NWD2: variants seen among roughly 807,000 people sequenced by gnomAD.
NWD2 encodes NACHT and WD repeat domain-containing protein 2.
Under a neutral mutation model 132.7 loss-of-function variants are expected in NWD2, and 37 were observed. The observed-to-expected ratio is 0.28, with a 90% confidence interval of 0.21 to 0.37. The LOEUF (loss-of-function observed/expected upper bound fraction) is 0.37. Ranked by LOEUF, NWD2 falls within the 10% of genes least tolerant of loss-of-function variation. NWD2 has a pLI of 1.00. For synonymous variants in NWD2, 705 were observed against 803.0 expected (o/e 0.88, Z 2.06); for missense variants, 1,592 against 2,122.4 (o/e 0.75, Z 4.91).
chr4:37,268,794 C>CT (rs150544448), intron 1 of NWD2, among the ~76,000 whole-genome samples: 3,503 of 151,684 alleles, frequency 0.023, 65 homozygotes, highest in Middle Eastern at 0.054. Context: ...TAGGGTGGGA[C>CT]TGGAAGCAGG....
intron 6 of NWD2, among the ~76,000 whole-genome samples, chr4:37,441,215 G>A (rs532343504): frequency 3.3e-5 from 5 of 152,312 alleles, no homozygotes; most frequent in Admixed American, 2.6e-4. Context: ...TAGCAGGCTT[G>A]TATTTAGGGT....
intron 3 of NWD2, among the ~76,000 whole-genome samples, chr4:37,389,040 A>G (rs1347057779): frequency 6.6e-6 from 1 of 152,124 alleles, no homozygotes; most frequent in Non-Finnish European, 1.5e-5. Context: ...AAACCATGAG[A>G]AGGGATGGAG....
At chr4:37,247,681 C>A (rs978571129) in intron 1 of NWD2, among the ~76,000 whole-genome samples, 2 of 151,990 alleles carry the variant, frequency 1.3e-5, no homozygotes, top group African/African-American at 4.8e-5. Flanking sequence ...GCAATCTCGG[C>A]TCACTGCAAC....
At chr4:37,438,747 G>T in intron 5 of NWD2, 54 bp from the exon 6 acceptor site, 1 of 1,180,208 alleles carries the variant, frequency 8.5e-7, no homozygotes. Context: ...TGAGAATGTG[G>T]GTGTGTTGCT....
At chr4:37,372,386 G>T (rs1378995430) in intron 3 of NWD2, among the ~76,000 whole-genome samples, 1 of 152,152 alleles carries the variant, frequency 6.6e-6, no homozygotes, top group Admixed American at 6.6e-5. Context: ...AAAGATTTCT[G>T]ATTCTTGCCA....
At chr4:37,262,579 C>G (rs1478315515) in intron 1 of NWD2, among the ~76,000 whole-genome samples, 1 of 152,142 alleles carries the variant, frequency 6.6e-6, no homozygotes, top group Non-Finnish European at 1.5e-5. Flanking sequence ...CTACCCACTC[C>G]AGAAATTCAG....
chr4:37,368,060 A>T (rs1720136031), intron 3 of NWD2, among the ~76,000 whole-genome samples: 1 of 152,102 alleles, frequency 6.6e-6, no homozygotes, highest in African/African-American at 2.4e-5. Context: ...TCTCATATAC[A>T]GTTGAATGAC....
At chr4:37,432,827 G>T (rs997506267) in intron 4 of NWD2, among the ~76,000 whole-genome samples, 2 of 152,140 alleles carry the variant, frequency 1.3e-5, no homozygotes, top group Admixed American at 1.3e-4. Flanking sequence ...TTTATGATAG[G>T]TCCTTTAAAA....
chr4:37,445,561 G>C lies in NWD2; in HGVS notation c.3573G>C (p.Glu1191Asp). 1.9e-6 allele frequency: 3 copies of C among 1,552,222 alleles called. No individual in the cohort carries two copies. The highest frequency in any genetic ancestry group is 2.6e-6 in the Non-Finnish European group (3 of 1,147,130). Residue 1191 changes from glutamate (E) to aspartate (D), a missense_variant, in exon 7 of 7, where the codon GAG becomes GAC. Transcript: ENST00000309447. The surrounding 1 kb of genome is among the most constrained non-coding windows in gnomAD (Gnocchi z 4.7). The part of the protein sequence containing the change: ...DDFDCRREDS[E>D]VVSIELSEDQ... Reference sequence around the variant, plus strand: ...TTGATTGCCGAAGAGAAGACAGTGAGGTGGTCAGCATTGAGCTTTCAGAAG... The same window carrying C: ...TTGATTGCCGAAGAGAAGACAGTGACGTGGTCAGCATTGAGCTTTCAGAAG...
At chr4:37,418,108 G>A (rs918406741) in intron 3 of NWD2, among the ~76,000 whole-genome samples, 1 of 152,012 alleles carries the variant, frequency 6.6e-6, no homozygotes, top group Non-Finnish European at 1.5e-5. Flanking sequence ...ATTATTCTGG[G>A]ACTGGAGTAT....
At chr4:37,326,882 TA>T (rs919984933) in intron 2 of NWD2, among the ~76,000 whole-genome samples, 1 of 152,178 alleles carries the variant, frequency 6.6e-6, no homozygotes, top group Non-Finnish European at 1.5e-5. Flanking sequence ...ATAAATATTT[TA>T]TCTTGATATA....
At chr4:37,377,329 T>C (rs777566155) in intron 3 of NWD2, among the ~76,000 whole-genome samples, 28 of 152,218 alleles carry the variant, frequency 1.8e-4, no homozygotes, top group Non-Finnish European at 3.4e-4. Context: ...ACTCAATGTT[T>C]AGCTTAGTAA....
At chr4:37,436,032 C>G (rs531122974) in intron 5 of NWD2, among the ~76,000 whole-genome samples, 8 of 152,080 alleles carry the variant, frequency 5.3e-5, no homozygotes, top group Admixed American at 2.6e-4. Context: ...TCTAGTTTCA[C>G]CTTTTTAAAC....
Position 37,399,838 on chromosome 4 carries a change from C to G in NWD2, c.358-30734C>G, listed in dbSNP as rs116488165. Among the ~76,000 whole-genome samples, 934 of 152,264 alleles carry G rather than the reference C, an allele frequency of 6.1e-3. 10 individuals are homozygous for G. The highest frequency in any genetic ancestry group is 0.021 in the African/African-American group (887 of 41,536). On this transcript the variant is annotated intron_variant, in intron 3 of 6. Coordinates refer to ENST00000309447, the MANE Select transcript of NWD2 (RefSeq NM_001144990.2). ...AGGAATTGCTTAGAAATGCAGATTGCCTGTCCTCATTCCAGAACTAAAGAA... is the reference window on the plus strand; with the variant it reads ...AGGAATTGCTTAGAAATGCAGATTGGCTGTCCTCATTCCAGAACTAAAGAA...
At chr4:37,313,444 A>ATCG (rs1718891853) in intron 1 of NWD2, among the ~76,000 whole-genome samples, 1 of 151,004 alleles carries the variant, frequency 6.6e-6, no homozygotes, top group Non-Finnish European at 1.5e-5. Context: ...CTCTGATGGT[A>ATCG]GTTTGTATTT....
intron 1 of NWD2, among the ~76,000 whole-genome samples, chr4:37,258,241 A>C (rs1717559589): frequency 6.6e-6 from 1 of 152,268 alleles, no homozygotes; most frequent in Non-Finnish European, 1.5e-5. Context: ...GCATGATTAA[A>C]AGACTATTTA....
chr4:37,430,394 A>G (rs1210861583), intron 3 of NWD2, among the ~76,000 whole-genome samples, 178 bp from the exon 4 acceptor site: 5 of 152,240 alleles, frequency 3.3e-5, no homozygotes, highest in African/African-American at 4.8e-5. Context: ...TTGTTGTAAT[A>G]TAGTTGATCT....
intron 1 of NWD2, among the ~76,000 whole-genome samples, chr4:37,247,613 AT>A (rs34270482): frequency 0.32 from 47,859 of 148,184 alleles, 7,840 homozygotes; most frequent in East Asian, 0.54. Flanking sequence ...AATGAATAGA[AT>A]TTTTTTTTTT....
chr4:37,356,579 G>GA, intron 3 of NWD2, 97 bp downstream of exon 3: 1 of 751,308 alleles, frequency 1.3e-6, no homozygotes, highest in African/African-American at 1.8e-5. Flanking sequence ...AAATGAGGGG[G>GA]AAAAAGACTT....
Sources: gnomAD v4.1 joint callset for allele counts (sites outside exome capture counted in the v4.1 genomes callset) on GRCh38, gnomAD v4.1.1 for gene constraint, Gnocchi (gnomAD v3.1) non-coding constraint, MANE v1.5 for transcripts, NCBI Gene and HGNC (gene_info 2026-07-23, HGNC 2026-07-21) for gene names.